The following OCA2 variants were observed in gnomAD, a reference collection of about 807,000 sequenced individuals.
The protein encoded by OCA2 is P protein.
Under a neutral mutation model 100.2 loss-of-function variants are expected in OCA2, and 77 were observed. The ratio of observed to expected loss-of-function variants is 0.77; its 90% CI spans 0.64 to 0.93. The LOEUF is 0.93. Among genes scored for constraint, OCA2 ranks in the 40% least tolerant of loss-of-function variants. The pLI is 0.00. For missense variants in OCA2, 1,062 were observed against 1,089.1 expected (o/e 0.98, Z 0.35); for synonymous variants, 432 against 439.2 (o/e 0.98, Z 0.21).
intron 19 of OCA2, among the ~76,000 whole-genome samples, chr15:27,917,241 T>C (rs1003308347): frequency 1.3e-5 from 2 of 152,190 alleles, no homozygotes; most frequent in Non-Finnish European, 2.9e-5. Flanking sequence ...GAATGCCAAC[T>C]AGGAGCTCAA....
chr15:28,013,039 G>A (rs1021020299), intron 9 of OCA2, among the ~76,000 whole-genome samples: 82 of 152,210 alleles, frequency 5.4e-4, no homozygotes, highest in African/African-American at 2.0e-3. Flanking sequence ...AAGTGGCAGG[G>A]AGCTGGGCAC....
In OCA2 at chr15:27,871,907, G is replaced by T. The variant is rs150391476; in HGVS notation, c.2095C>A (p.His699Asn). 3.7e-6 allele frequency: 6 copies of T among 1,610,396 alleles called. No homozygotes were observed. In the African/African-American group the frequency reaches 8.0e-5, roughly 22 times the overall value. Residue 699 changes from histidine to asparagine, a missense_variant, in exon 20 of 24, where the codon CAC (histidine) becomes AAC (asparagine). Physicochemically the swap from His to Asn is moderately conservative, Grantham distance 68 (BLOSUM62 1). Coordinates refer to ENST00000354638, the MANE Select transcript of OCA2 (RefSeq NM_000275.3). The part of the protein sequence containing the change: ...FVLMEALAHL[H>N]LIEYVGEQTA... ...TGTTCTCCAACATATTCTATTAAGT[G>T]GAGATGTGCCAATGCCTAGAAGAAA...
At chr15:27,963,531 G>GA (rs1197766259) in intron 15 of OCA2, among the ~76,000 whole-genome samples, 1 of 151,110 alleles carries the variant, frequency 6.6e-6, no homozygotes, top group African/African-American at 2.4e-5. Flanking sequence ...AAGGATCAAA[G>GA]AAAAAATAAA....
At chr15:27,909,222 T>C (rs1230832327) in intron 19 of OCA2, among the ~76,000 whole-genome samples, 1 of 152,172 alleles carries the variant, frequency 6.6e-6, no homozygotes, top group Non-Finnish European at 1.5e-5. Context: ...TACAACACAA[T>C]TTTAAAACAT....
rs796177824 is a variant in OCA2, at chr15:27,902,903, TA to T, written c.2079+23223del. Among the ~76,000 whole-genome samples the T allele has an allele frequency of 2.0e-5, 3 of 152,192 alleles. No individual in the cohort carries two copies. The South Asian group carries it at 6.2e-4, about 31-fold the overall frequency. On this transcript the variant is annotated intron_variant, in intron 19 of 23. Transcript: ENST00000354638. ...TCACGCTGACGCACACGCGCGTCCC[TA>T]GCTGACACCTGAGCACGTGGGCGCT...
intron 8 of OCA2, among the ~76,000 whole-genome samples, chr15:28,015,903 C>A (rs183647931): frequency 6.6e-6 from 1 of 152,328 alleles, no homozygotes; most frequent in East Asian, 1.9e-4. Flanking sequence ...CTGCAGTCGA[C>A]CCTCTCACAT....
intron 2 of OCA2, among the ~76,000 whole-genome samples, chr15:28,062,331 T>A (rs1292779567): frequency 1.3e-5 from 2 of 152,262 alleles, no homozygotes; most frequent in African/African-American, 2.4e-5. Context: ...ATGTTGAGCA[T>A]CTTTTCAGTT....
chr15:28,015,028 A>G, intron 8 of OCA2, 99 bp from the exon 9 acceptor site: 4 of 1,265,840 alleles, frequency 3.2e-6, no homozygotes, highest in Non-Finnish European at 4.5e-6. Context: ...AAATGGAACA[A>G]TTCAGCCCAA....
intron 2 of OCA2, among the ~76,000 whole-genome samples, chr15:28,048,664 A>G (rs571835998): frequency 1.2e-4 from 18 of 152,318 alleles, no homozygotes; most frequent in African/African-American, 4.3e-4. Context: ...ACAGAAAAAA[A>G]AATAGATAAA....
chr15:27,896,532 C>A, intron 19 of OCA2: 1 of 446,532 alleles, frequency 2.2e-6, no homozygotes, highest in South Asian at 2.6e-5. Flanking sequence ...TTGAGTAGCT[C>A]AAAAGAATGC....
chr15:27,903,285 C>T (rs558605136), intron 19 of OCA2, among the ~76,000 whole-genome samples: 155 of 152,276 alleles, frequency 1.0e-3, no homozygotes, highest in African/African-American at 3.6e-3. Context: ...TCTTGTGCTC[C>T]GAAACCCCAA....
At chr15:27,827,122 T>G (rs2034758788) in intron 23 of OCA2, among the ~76,000 whole-genome samples, 1 of 152,230 alleles carries the variant, frequency 6.6e-6, no homozygotes. Context: ...GATGTTTTCA[T>G]CAGTCTATTA....
chr15:27,806,758 C>T (rs949457245), intron 23 of OCA2, among the ~76,000 whole-genome samples: 1 of 152,226 alleles, frequency 6.6e-6, no homozygotes, highest in Non-Finnish European at 1.5e-5. Flanking sequence ...AAAAAGAAGC[C>T]GGCTGAACTT....
At chr15:28,070,330 G>T (rs1367206310) in intron 2 of OCA2, among the ~76,000 whole-genome samples, 3 of 129,978 alleles carry the variant, frequency 2.3e-5, no homozygotes, top group Admixed American at 7.5e-5. Flanking sequence ...TCAGCCCCCC[G>T]CCCGGCCAGC....
intron 1 of OCA2, among the ~76,000 whole-genome samples, chr15:28,094,895 C>G (rs528597606): frequency 6.2e-4 from 94 of 152,360 alleles, no homozygotes; most frequent in African/African-American, 2.0e-3. Flanking sequence ...GTGCCAGGAC[C>G]GACAGAGGCC....
intron 2 of OCA2, among the ~76,000 whole-genome samples, chr15:28,077,337 G>A (rs569275097): frequency 2.6e-5 from 4 of 152,286 alleles, no homozygotes; most frequent in Non-Finnish European, 5.9e-5. Flanking sequence ...GGGATTACAG[G>A]CATGAGCCAC....
chr15:28,095,265 A>G (rs2141976562), intron 1 of OCA2, among the ~76,000 whole-genome samples: 1 of 152,206 alleles, frequency 6.6e-6, no homozygotes, highest in South Asian at 2.1e-4. Context: ...GGAGTGGCCC[A>G]GCCAGGCCGC....
chr15:27,795,646 T>C (rs929296155), intron 23 of OCA2, among the ~76,000 whole-genome samples: 5 of 152,200 alleles, frequency 3.3e-5, no homozygotes, highest in Non-Finnish European at 2.9e-5. Flanking sequence ...TTTGAAACAA[T>C]TATCAGTTCA....
At chr15:27,820,759 C>A (rs1032173135) in intron 23 of OCA2, among the ~76,000 whole-genome samples, 1 of 152,150 alleles carries the variant, frequency 6.6e-6, no homozygotes, top group African/African-American at 2.4e-5. Context: ...GGCCTATGAG[C>A]TGAAAAAGTA....
Sources: gnomAD v4.1 joint callset for allele counts (sites outside exome capture counted in the v4.1 genomes callset) on GRCh38, gnomAD v4.1.1 for gene constraint, MANE v1.5 for transcripts, NCBI Gene and HGNC (gene_info 2026-07-23, HGNC 2026-07-21) for gene names.